PARPBP: variants seen among roughly 807,000 people sequenced by gnomAD.
PARPBP encodes PCNA-interacting partner.
PARPBP carries 52 observed loss-of-function variants against 50.0 expected under a neutral mutation model. The observed-to-expected ratio is 1.04, with a 90% confidence interval of 0.83 to 1.31. The LOEUF is 1.31. Ranked by LOEUF, PARPBP falls within the 50% of genes most tolerant of loss-of-function variation. The pLI is 0.00. For synonymous variants in PARPBP, 244 were observed against 232.1 expected, an observed-to-expected ratio of 1.05 and a Z score of -0.47; for missense variants, 697 against 672.0, an observed-to-expected ratio of 1.04 and a Z score of -0.41.
intron 6 of PARPBP, among the ~76,000 whole-genome samples, chr12:102,170,827 A>G (rs1888614467): frequency 6.6e-6 from 1 of 151,918 alleles, no homozygotes; most frequent in South Asian, 2.1e-4. Flanking sequence ...TTAGCTTAAA[A>G]CACAAATACA....
intron 9 of PARPBP, among the ~76,000 whole-genome samples, chr12:102,189,854 T>C (rs1208492753): frequency 3.9e-5 from 6 of 152,136 alleles, no homozygotes; most frequent in Non-Finnish European, 5.9e-5. Flanking sequence ...ATTTAAGAAC[T>C]CAAAAGTAAA....
chr12:102,196,275 A>T lies in PARPBP; in HGVS notation c.1724A>T (p.Gln575Leu). ...ATTTCTGGCCAGGCAAAGTTAACTC[A>T]GTTTTTTAGACTATAAATTTGTGTC... ...KLISGQAKLT[Q>L]FFRL is the part of the protein sequence containing the mutation. The change falls in exon 11 of 11, where the codon CAG becomes CTG. Residue 575 changes from glutamine to leucine, a missense_variant. Coordinates refer to ENST00000327680, the MANE Select transcript of PARPBP (RefSeq NM_017915.5). The T allele has an allele frequency of 1.9e-6, 3 of 1,585,214 alleles. No individual in the cohort carries two copies. The highest frequency in any genetic ancestry group is 2.6e-6 in the Non-Finnish European group (3 of 1,168,404).
At chr12:102,195,865 C>A in intron 10 of PARPBP, 86 bp from the exon 11 acceptor site, 2 of 813,892 alleles carry the variant, frequency 2.5e-6, no homozygotes, top group South Asian at 2.0e-5. Flanking sequence ...ATTCGTTAGC[C>A]ATTTTTAAAG....
chr12:102,186,084 T>C lies in PARPBP; in HGVS notation c.1263+3457T>C, dbSNP rs145416373. Reference sequence around the variant, plus strand: ...TAGGAATTTATCTATTTTTTCTAGGTTTTCCAATTTATTGGCATTTGTTGG... The same window carrying C: ...TAGGAATTTATCTATTTTTTCTAGGCTTTCCAATTTATTGGCATTTGTTGG... On this transcript the variant is annotated intron_variant, in intron 9 of 10. Transcript: ENST00000327680. Among the ~76,000 whole-genome samples, 163 of 152,280 alleles carry C rather than the reference T, an allele frequency of 1.1e-3. 3 individuals carry two copies. The highest frequency in any genetic ancestry group is 3.3e-3 in the African/African-American group (138 of 41,572).
intron 9 of PARPBP, among the ~76,000 whole-genome samples, chr12:102,188,429 C>T (rs923562726): frequency 4.6e-5 from 7 of 151,922 alleles, no homozygotes; most frequent in Non-Finnish European, 7.4e-5. Context: ...AGAGCACACC[C>T]GAGGAAGAGA....
intron 1 of PARPBP, among the ~76,000 whole-genome samples, chr12:102,121,974 T>C (rs1881208243): frequency 6.6e-6 from 1 of 152,128 alleles, no homozygotes; most frequent in Non-Finnish European, 1.5e-5. Flanking sequence ...TAAAACCCTA[T>C]GGGATAGGGT....
At chr12:102,121,204 CA>C (rs1382694470) in intron 1 of PARPBP, among the ~76,000 whole-genome samples, 1 of 152,186 alleles carries the variant, frequency 6.6e-6, no homozygotes, top group African/African-American at 2.4e-5. Flanking sequence ...GGGACTAGAC[CA>C]GGGGTTGGCA....
chr12:102,135,360 C>T (rs1442019765), intron 2 of PARPBP, among the ~76,000 whole-genome samples: 5 of 151,810 alleles, frequency 3.3e-5, no homozygotes, highest in Non-Finnish European at 5.9e-5. Context: ...CTGGCTAACA[C>T]GGTGAAACCC....
In PARPBP at chr12:102,197,118, A is replaced by G; in HGVS notation, c.*827A>G. The G allele has an allele frequency of 1.2e-6, 2 of 1,612,312 alleles. No homozygotes were observed. The highest frequency in any genetic ancestry group is 1.7e-6 in the Non-Finnish European group (2 of 1,178,704). On this transcript the variant is annotated 3_prime_UTR_variant, in exon 11 of 11. Transcript: ENST00000327680. ...CTTTTAGTGCAAGATAAGGTTTTAT[A>G]GCCAGATTCAGTGGCAGACCATGAT...
At chr12:102,177,129 T>C (rs755160419) in intron 7 of PARPBP, among the ~76,000 whole-genome samples, 3 of 152,222 alleles carry the variant, frequency 2.0e-5, no homozygotes, top group Non-Finnish European at 4.4e-5. Flanking sequence ...ATGAAAAATA[T>C]ATGTGAAGCA....
intron 3 of PARPBP, chr12:102,151,858 C>A: frequency 7.9e-7 from 1 of 1,265,826 alleles, no homozygotes; most frequent in Non-Finnish European, 1.1e-6. Context: ...CTGGCACCAA[C>A]TCACTGTCCA....
Position 102,175,566 on chromosome 12 carries a change from T to C in PARPBP, c.905T>C (p.Ile302Thr), listed in dbSNP as rs1565894940. ...QNSRDPFCKA[I>T]EEVAQDLDLR... ...AGCAGGGATCCTTTTTGCAAAGCAATAGAGGAAGTTGCTCAGGATTTGGAT... is the reference window on the plus strand; with the variant it reads ...AGCAGGGATCCTTTTTGCAAAGCAACAGAGGAAGTTGCTCAGGATTTGGAT... The change falls in exon 7 of 11, where the codon ATA becomes ACA. Residue 302 changes from isoleucine (I) to threonine (T), a missense_variant. Physicochemically the swap from Ile to Thr is moderately conservative, Grantham distance 89 (BLOSUM62 -1). Coordinates refer to ENST00000327680, the MANE Select transcript of PARPBP (RefSeq NM_017915.5). The C allele has an allele frequency of 6.2e-7, 1 of 1,612,418 alleles. No homozygotes were observed. The highest frequency in any genetic ancestry group is 1.7e-4 in the Middle Eastern group (1 of 6,058).
intron 9 of PARPBP, among the ~76,000 whole-genome samples, chr12:102,184,851 G>A (rs1173019381): frequency 6.6e-6 from 1 of 152,154 alleles, no homozygotes; most frequent in Non-Finnish European, 1.5e-5. Flanking sequence ...AGTTCCTATG[G>A]AAAAGTAGTT....
chr12:102,176,226 C>T (rs1444379087), intron 7 of PARPBP, among the ~76,000 whole-genome samples: 2 of 152,152 alleles, frequency 1.3e-5, no homozygotes, highest in Non-Finnish European at 2.9e-5. Flanking sequence ...TCGTGATCTG[C>T]CCGCCTCGGC....
At chr12:102,174,373 T>C (rs1374015045) in intron 6 of PARPBP, among the ~76,000 whole-genome samples, 9 of 152,256 alleles carry the variant, frequency 5.9e-5, no homozygotes, top group Non-Finnish European at 1.3e-4. Flanking sequence ...CTCTTCTATC[T>C]GGACCAGCTA....
At chr12:102,187,255 T>C (rs984741877) in intron 9 of PARPBP, among the ~76,000 whole-genome samples, 2 of 152,196 alleles carry the variant, frequency 1.3e-5, no homozygotes, top group African/African-American at 4.8e-5. Context: ...CAACTTTAGT[T>C]AGTCCTAGTC....
At position 102,197,233 on chromosome 12, in the gene PARPBP, TTGTA is replaced by T; in HGVS notation, c.*944_*947del. 1 of 1,255,556 alleles carries T rather than the reference TTGTA, an allele frequency of 8.0e-7. No homozygotes were observed. Among genetic ancestry groups the T allele is most frequent in the Non-Finnish European group, 1.1e-6 (1 of 877,970 alleles). The allele number at this position is 1,255,556 out of a possible 1,614,324, so 77.8% of individuals were successfully genotyped here. A position where few individuals can be genotyped will look rare whatever the true frequency, so the allele number is the denominator to read the frequency against. ...TATTCGGAGTGGAACTATAATACAATTGTATAATATTCTTGTTGATCAATTCAAA... is the reference window on the plus strand; with the variant it reads ...TATTCGGAGTGGAACTATAATACAATTAATATTCTTGTTGATCAATTCAAA... On this transcript the variant is annotated 3_prime_UTR_variant, in exon 11 of 11. Transcript: ENST00000327680.
rs1280700174 is a variant in PARPBP, at chr12:102,164,590, AC to A, written c.649del (p.Gln217LysfsTer15). 6.2e-7 allele frequency: 1 copy of A among 1,613,412 alleles called. No individual in the cohort carries two copies. The highest frequency in any genetic ancestry group is 1.3e-5 in the African/African-American group (1 of 74,904). The part of the protein sequence containing the change: ...TDLKHAAREK[Q>X]MSIFLVATSF... ...ATTTGAAACATGCTGCTCGAGAGAA[AC>A]AAATGTCTATCTTTTTGGTATGGTT... On this transcript the variant is annotated frameshift_variant, in exon 5 of 11. Coordinates refer to ENST00000327680, the MANE Select transcript of PARPBP (RefSeq NM_017915.5). LOFTEE classifies it high-confidence loss of function.
At chr12:102,174,786 T>G in intron 6 of PARPBP, among the ~76,000 whole-genome samples, 1 of 152,210 alleles carries the variant, frequency 6.6e-6, no homozygotes, top group East Asian at 1.9e-4. Flanking sequence ...CCCAAACTCT[T>G]AATTTTAGGT....
Sources: allele counts gnomAD v4.1 joint callset (sites outside exome capture counted in the v4.1 genomes callset), GRCh38; gene constraint gnomAD v4.1.1; transcripts MANE v1.5; gene names NCBI Gene and HGNC (gene_info 2026-07-23, HGNC 2026-07-21).